ADAR: variants seen among roughly 807,000 people sequenced by gnomAD.
ADAR encodes the protein double-stranded RNA-specific adenosine deaminase.
ADAR carries 41 observed loss-of-function variants against 113.2 expected under a neutral mutation model. The observed-to-expected ratio is 0.36, with a 90% confidence interval of 0.28 to 0.47. ADAR has a LOEUF of 0.47. ADAR is among the 20% of genes least tolerant of loss of function. ADAR has a pLI of 1.00. For missense variants in ADAR, 1,242 were observed against 1,540.9 expected (o/e 0.81, Z 3.25); for synonymous variants, 605 against 572.6 (o/e 1.06, Z -0.81).
At chr1:154,614,948 C>T (rs1276479208) in intron 1 of ADAR, among the ~76,000 whole-genome samples, 1 of 152,186 alleles carries the variant, frequency 6.6e-6, no homozygotes, top group African/African-American at 2.4e-5. Context: ...AAAAAAATTT[C>T]CACCTACACA....
intron 12 of ADAR, 113 bp downstream of exon 12, chr1:154,586,068 G>A: frequency 1.4e-6 from 2 of 1,395,372 alleles, no homozygotes; most frequent in Admixed American, 3.4e-5. Flanking sequence ...ACTGAGGAGT[G>A]AATCATGCTC....
intron 10 of ADAR, 92 bp downstream of exon 10, chr1:154,588,459 C>T (rs1696910435): frequency 7.6e-6 from 12 of 1,571,012 alleles, no homozygotes; most frequent in Middle Eastern, 1.9e-4. Flanking sequence ...CTTATTGTAT[C>T]AGGTTCGATT....
upstream of ADAR, among the ~76,000 whole-genome samples, chr1:154,610,935 T>C (rs1698469695): frequency 6.6e-6 from 1 of 152,064 alleles, no homozygotes; most frequent in African/African-American, 2.4e-5. Context: ...AGCTCTTGAC[T>C]TGGGTAGTGG....
Position 154,598,383 on chromosome 1 carries a change from A to G in ADAR, c.1785+19T>C. The G allele has an allele frequency of 6.2e-7, 1 of 1,612,222 alleles. No individual in the cohort carries two copies. Among genetic ancestry groups the G allele is most frequent in the Non-Finnish European group, 8.5e-7 (1 of 1,178,272 alleles). ...ACTGACAGGGAACTGATCCTCCCAG[A>G]TGGCAGGAGGACACCTACCTTCTCT... On this transcript the variant is annotated intron_variant, in intron 3 of 14. Coordinates refer to ENST00000368474, the MANE Select transcript of ADAR (RefSeq NM_001111.5).
intron 4 of ADAR, among the ~76,000 whole-genome samples, 197 bp downstream of exon 4, chr1:154,597,631 G>A (rs1362544846): frequency 6.6e-6 from 1 of 152,158 alleles, no homozygotes; most frequent in Non-Finnish European, 1.5e-5. Context: ...TAGAGGGTGG[G>A]CCAGGAATTC....
chr1:154,584,805 A>G lies in ADAR; in HGVS notation c.*1T>C, dbSNP rs146861068. 1.1e-5 allele frequency: 17 copies of G among 1,611,408 alleles called. No individual in the cohort carries two copies. Among genetic ancestry groups the G allele is most frequent in the African/African-American group, 1.3e-5 (1 of 74,874 alleles). ...CCTAATCCATCTGTCACTGGAGCATACTATACTGGGCAGAGATAAAAGTTC... is the reference window on the plus strand; with the variant it reads ...CCTAATCCATCTGTCACTGGAGCATGCTATACTGGGCAGAGATAAAAGTTC... On this transcript the variant is annotated 3_prime_UTR_variant, in exon 15 of 15. Coordinates refer to ENST00000368474, the MANE Select transcript of ADAR (RefSeq NM_001111.5).
chr1:154,602,018 G>A lies in ADAR; in HGVS notation c.624C>T (p.Ser208=), dbSNP rs755808579. 104 of 1,614,112 alleles carry A rather than the reference G, an allele frequency of 6.4e-5. No homozygotes were observed. The highest frequency in any genetic ancestry group is 8.3e-5 in the Admixed American group (5 of 59,998). The part of the protein sequence containing the change: ...AVSTQAWNQH[S]GVVRPDGHSQ... Reference sequence around the variant, plus strand: ...TATGACCGTCTGGTCTTACCACTCCGCTGTGCTGGTTCCAAGCCTGAGTGG... The same window carrying A: ...TATGACCGTCTGGTCTTACCACTCCACTGTGCTGGTTCCAAGCCTGAGTGG... The change falls in exon 2 of 15, where the codon AGC becomes AGT. Residue 208 remains serine (S), a synonymous_variant. Transcript: ENST00000368474.
intron 1 of ADAR, among the ~76,000 whole-genome samples, chr1:154,621,936 AAAAG>A (rs1318943284): frequency 2.0e-5 from 3 of 152,194 alleles, no homozygotes; most frequent in Admixed American, 6.5e-5. Context: ...TGTTGTTGTC[AAAAG>A]AAAGAAAGGG....
intron 1 of ADAR, among the ~76,000 whole-genome samples, chr1:154,617,843 T>C (rs956282784): frequency 2.6e-5 from 4 of 152,012 alleles, no homozygotes; most frequent in Non-Finnish European, 5.9e-5. Context: ...ATGGAAATTC[T>C]TACATATTCT....
At chr1:154,589,193 G>A (rs1042626276) in intron 9 of ADAR, among the ~76,000 whole-genome samples, 176 bp downstream of exon 9, 3 of 152,232 alleles carry the variant, frequency 2.0e-5, no homozygotes, top group Non-Finnish European at 4.4e-5. Context: ...AGCTCACAGA[G>A]GGGATGGATT....
chr1:154,602,111 G>C lies in ADAR; in HGVS notation c.531C>G (p.Tyr177Ter). 6.2e-7 allele frequency: 1 copy of C among 1,614,240 alleles called. No individual in the cohort carries two copies. Among genetic ancestry groups the C allele is most frequent in the Non-Finnish European group, 8.5e-7 (1 of 1,180,038 alleles). Reference sequence around the variant, plus strand: ...GTAGCTTGCCCTTCTTTGCCAGGGAGTATAAAACTCGATTGATTTCTTTCT... The same window carrying C: ...GTAGCTTGCCCTTCTTTGCCAGGGACTATAAAACTCGATTGATTTCTTTCT... Reference protein sequence around the residue: ...TPKKEINRVLYSLAKKGKLQK... With the variant: ...TPKKEINRVL The change falls in exon 2 of 15, where the codon TAC becomes TAG. Residue 177 changes from tyrosine to a stop codon, truncating the protein, a stop_gained. Transcript: ENST00000368474. LOFTEE classifies it high-confidence loss of function.
In ADAR at chr1:154,601,828, A is replaced by T; in HGVS notation, c.814T>A (p.Ser272Thr). The T allele has an allele frequency of 6.2e-7, 1 of 1,614,160 alleles. No individual in the cohort carries two copies. The highest frequency in any genetic ancestry group is 1.1e-5 in the South Asian group (1 of 91,076). Reference protein sequence around the residue: ...PDSHSQGSPNSDPGLEPEDSN... With the variant: ...PDSHSQGSPNTDPGLEPEDSN... ...TCTTCAGGTTCCAAACCTGGGTCTG[A>T]GTTTGGGGATCCTTGGCTATGACTG... is the stretch of plus-strand genomic sequence containing the variant. Residue 272 changes from serine (S) to threonine (T), a missense_variant, in exon 2 of 15, where the codon TCA becomes ACA. Physicochemically the swap from Ser to Thr is moderately conservative, Grantham distance 58. Transcript: ENST00000368474. The surrounding 1 kb of genome is among the most constrained non-coding windows in gnomAD (Gnocchi z 4.7).
Position 154,589,990 on chromosome 1 carries a change from G to T in ADAR, c.2497-62C>A, listed in dbSNP as rs953964268. ...TGAGGCTGTGTCCACCATATTCACC[G>T]TGGGCAGGGAGATCAAGCTCTACTT... is the stretch of plus-strand genomic sequence containing the variant. On this transcript the variant is annotated intron_variant, in intron 7 of 14. Transcript: ENST00000368474. 1.4e-5 allele frequency: 22 copies of T among 1,599,632 alleles called. No individual in the cohort carries two copies. In the African/African-American group the frequency reaches 2.7e-4, roughly 19 times the overall value.
chr1:154,588,430 A>G (rs1571059676), intron 10 of ADAR, 121 bp downstream of exon 10: 7 of 1,524,766 alleles, frequency 4.6e-6, no homozygotes, highest in South Asian at 1.1e-5. Context: ...ATGGACCTCA[A>G]ACCCACAGTG....
chr1:154,601,663 C>A lies in ADAR; in HGVS notation c.979G>T (p.Ala327Ser). The A allele has an allele frequency of 6.2e-7, 1 of 1,614,120 alleles. No homozygotes were observed. Among genetic ancestry groups the A allele is most frequent in the Non-Finnish European group, 8.5e-7 (1 of 1,180,040 alleles). Residue 327 changes from alanine (A) to serine (S), a missense_variant, in exon 2 of 15, where the codon GCC becomes TCC. Physicochemically the swap from Ala to Ser is moderately conservative, Grantham distance 99. This residue lies in a region of ADAR where 462 missense variants were observed against 483.1 expected (regional missense o/e 0.96). Transcript: ENST00000368474. The surrounding 1 kb of genome is among the most constrained non-coding windows in gnomAD (Gnocchi z 4.7). ...NLAKNIGLTK[A>S]RDINAVLIDM... is the part of the protein sequence containing the mutation. ...ATTAGCACAGCATTTATATCTCGGG[C>A]CTTGGTAAGGCCAATATTTTTAGCC... is the stretch of plus-strand genomic sequence containing the variant.
chr1:154,595,106 G>A (rs1486781099), intron 6 of ADAR, among the ~76,000 whole-genome samples: 3 of 152,174 alleles, frequency 2.0e-5, no homozygotes, highest in Admixed American at 6.5e-5. Context: ...GGTGAGTGGC[G>A]AGCAAGAAAG....
chr1:154,617,256 T>C (rs946655369), intron 1 of ADAR, among the ~76,000 whole-genome samples: 3 of 152,234 alleles, frequency 2.0e-5, no homozygotes, highest in African/African-American at 7.2e-5. Flanking sequence ...TCATCCCTCA[T>C]TGCCACCCTC....
At position 154,590,215 on chromosome 1, in the gene ADAR, A is replaced by C. The variant is rs1180190858; in HGVS notation, c.2465T>G (p.Leu822Arg). ...GASLRRTMLL[L>R]SRSPEAQPKT... ...TGGCTGTGCTTCTGGGGACCTTGAG[A>C]GGAGGAGCATAGTTCTTCTGAGACT... The change falls in exon 7 of 15, where the codon CTC (leucine) becomes CGC (arginine). Residue 822 changes from leucine to arginine, a missense_variant. Leu to Arg is a moderately radical substitution (Grantham distance 102, BLOSUM62 -2). Around this residue, in one of 2 missense-constraint regions of ADAR, gnomAD observed 780 missense variants for 1,057.9 expected, o/e 0.74. Coordinates refer to ENST00000368474, the MANE Select transcript of ADAR (RefSeq NM_001111.5). The C allele has an allele frequency of 7.2e-7, 1 of 1,392,438 alleles. No individual in the cohort carries two copies. Among genetic ancestry groups the C allele is most frequent in the Non-Finnish European group, 9.6e-7 (1 of 1,041,678 alleles). The allele number at this position is 1,392,438 out of a possible 1,614,324, so 86.3% of individuals were successfully genotyped here.
chr1:154,620,535 A>G (rs1272737825), intron 1 of ADAR, among the ~76,000 whole-genome samples: 1 of 152,272 alleles, frequency 6.6e-6, no homozygotes, highest in African/African-American at 2.4e-5. Flanking sequence ...GAATAACCCA[A>G]ATGTCAATCA....
Sources: allele counts gnomAD v4.1 joint callset (sites outside exome capture counted in the v4.1 genomes callset), GRCh38; gene constraint gnomAD v4.1.1; regional missense constraint gnomAD v4.1.1; non-coding constraint Gnocchi (gnomAD v3.1); transcripts MANE v1.5; gene names NCBI Gene and HGNC (gene_info 2026-07-23, HGNC 2026-07-21).